CPXM2: variants seen among roughly 807,000 people sequenced by gnomAD.
The protein encoded by CPXM2 is carboxypeptidase X, M14 family member 2.
Under a neutral mutation model 86.1 loss-of-function variants are expected in CPXM2, and 66 were observed. The observed-to-expected ratio is 0.77, with a 90% confidence interval of 0.63 to 0.94. The LOEUF (loss-of-function observed/expected upper bound fraction) is 0.94. Ranked by LOEUF, CPXM2 falls within the 40% of genes least tolerant of loss-of-function variation. CPXM2 has a pLI of 0.00. For synonymous variants in CPXM2, 388 were observed against 400.2 expected (o/e 0.97, Z 0.36); for missense variants, 948 against 1,026.3 (o/e 0.92, Z 1.04).
At chr10:123,871,459 T>C (rs1944895191) in intron 2 of CPXM2, among the ~76,000 whole-genome samples, 1 of 152,330 alleles carries the variant, frequency 6.6e-6, no homozygotes, top group African/African-American at 2.4e-5. Context: ...GAATTATTGG[T>C]TCAAAAGAAC....
chr10:123,934,796 C>A (rs577353753), intron 2 of CPXM2, among the ~76,000 whole-genome samples: 13 of 152,182 alleles, frequency 8.5e-5, no homozygotes, highest in Non-Finnish European at 1.9e-4. Context: ...CTCCAGCCAT[C>A]TTTCTGCTTT....
intron 12 of CPXM2, 145 bp downstream of exon 12, chr10:123,757,068 C>A: frequency 1.4e-6 from 1 of 718,182 alleles, no homozygotes; most frequent in Non-Finnish European, 2.4e-6. Flanking sequence ...CAAGTGTCAA[C>A]ACACAGTGGC....
intron 2 of CPXM2, 118 bp from the exon 3 acceptor site, chr10:123,862,841 T>C (rs910812640): frequency 1.3e-6 from 1 of 785,110 alleles, no homozygotes; most frequent in Non-Finnish European, 2.2e-6. Flanking sequence ...CCCACAGGCA[T>C]GCCTGGTCTT....
intron 2 of CPXM2, among the ~76,000 whole-genome samples, chr10:123,928,774 C>T (rs1945643909): frequency 6.6e-6 from 1 of 152,252 alleles, no homozygotes; most frequent in African/African-American, 2.4e-5. Flanking sequence ...ATCCCACAGC[C>T]ATTTAGTCCC....
At chr10:123,753,875 C>A (rs1846136249) in intron 13 of CPXM2, among the ~76,000 whole-genome samples, 1 of 152,178 alleles carries the variant, frequency 6.6e-6, no homozygotes. Flanking sequence ...CGCGTACTAA[C>A]CCTGACTAGT....
chr10:123,884,413 C>T (rs925005070), intron 1 of CPXM2, among the ~76,000 whole-genome samples: 1 of 152,220 alleles, frequency 6.6e-6, no homozygotes, highest in African/African-American at 2.4e-5. Flanking sequence ...GAAACGCCTG[C>T]TCTGTGCGAT....
chr10:123,861,848 G>A (rs1044025618), intron 3 of CPXM2, among the ~76,000 whole-genome samples: 2 of 152,196 alleles, frequency 1.3e-5, no homozygotes, highest in Non-Finnish European at 2.9e-5. Flanking sequence ...TGTGGGAAGA[G>A]GCTACGTTTG....
chr10:123,800,974 ACT>A, intron 4 of CPXM2, among the ~76,000 whole-genome samples: 1 of 152,190 alleles, frequency 6.6e-6, no homozygotes, highest in Middle Eastern at 3.4e-3. Flanking sequence ...TCCGCTCTAC[ACT>A]CTGACGTGAC....
intron 4 of CPXM2, among the ~76,000 whole-genome samples, chr10:123,818,194 C>T (rs1168692280): frequency 6.6e-6 from 1 of 152,170 alleles, no homozygotes; most frequent in Non-Finnish European, 1.5e-5. Flanking sequence ...TAGGATGACC[C>T]ATTCTGTGGA....
intron 8 of CPXM2, 126 bp downstream of exon 8, chr10:123,770,790 G>C (rs145466567): frequency 0.023 from 22,747 of 984,176 alleles, 336 homozygotes; most frequent in Non-Finnish European, 0.029. Flanking sequence ...GTCTACGTGA[G>C]ACAGCAGTGG....
Position 123,934,465 on chromosome 10 carries a change from G to A in CPXM2, n.174+5012C>T, listed in dbSNP as rs76889508. Among the ~76,000 whole-genome samples the A allele has an allele frequency of 7.7e-3, 1,167 of 151,972 alleles. 16 individuals are homozygous for A. The highest frequency in any genetic ancestry group is 0.026 in the African/African-American group (1,095 of 41,422). ...CCCTCTCCCTGTGTGTCTGTGTCTC[G>A]GTGTCCAAATTTCCCTCTTTATAGG... On this transcript the variant is annotated intron_variant and non_coding_transcript_variant, in intron 2 of 19. Coordinates refer to the CPXM2 transcript ENST00000368854.
chr10:123,747,098 C>A, intron 13 of CPXM2, 81 bp from the exon 14 acceptor site: 1 of 1,514,884 alleles, frequency 6.6e-7, no homozygotes, highest in Non-Finnish European at 8.9e-7. Flanking sequence ...AGACCAGCTC[C>A]CTGGGCCAGA....
At chr10:123,891,818 C>CG, upstream of CPXM2, 1 of 268,320 alleles carries the variant, frequency 3.7e-6, no homozygotes, top group East Asian at 1.4e-4. The surrounding 1 kb of genome is among the most constrained non-coding windows in gnomAD (Gnocchi z 5.6). Flanking sequence ...GACCGGCCCG[C>CG]GGGGCTGGGC....
At chr10:123,936,540 G>A (rs74162980) in intron 2 of CPXM2, among the ~76,000 whole-genome samples, 3 of 152,266 alleles carry the variant, frequency 2.0e-5, no homozygotes, top group African/African-American at 7.2e-5. Context: ...GCTACTTTGA[G>A]GCCCATCTCA....
chr10:123,905,222 C>T (rs143236740), intron 2 of CPXM2, among the ~76,000 whole-genome samples: 33 of 152,320 alleles, frequency 2.2e-4, no homozygotes, highest in African/African-American at 5.5e-4. Flanking sequence ...GAATGAACCC[C>T]GCCACACAGC....
At chr10:123,766,323 G>T (rs1281023879) in intron 10 of CPXM2, among the ~76,000 whole-genome samples, 2 of 152,154 alleles carry the variant, frequency 1.3e-5, no homozygotes, top group Non-Finnish European at 2.9e-5. Flanking sequence ...CTTTTACCTT[G>T]TTAAGGCACT....
chr10:123,797,983 T>C lies in CPXM2; in HGVS notation c.882A>G (p.Pro294=), dbSNP rs759448158. 4 of 1,599,678 alleles carry C rather than the reference T, an allele frequency of 2.5e-6. No homozygotes were observed. Among genetic ancestry groups the C allele is most frequent in the East Asian group, 2.3e-5 (1 of 44,184 alleles). Residue 294 remains proline, a synonymous_variant, in exon 6 of 14, where the codon CCA becomes CCG. Coordinates refer to ENST00000241305, the MANE Select transcript of CPXM2 (RefSeq NM_198148.3). ...ACAGGAGGGTGAACTCACCTGGCAG[T>C]GGGCAGCCCAGGATCTCCATTCTCA... The part of the protein sequence containing the change: ...ICMRMEILGC[P]LPDPNNYYHR...
intron 3 of CPXM2, among the ~76,000 whole-genome samples, chr10:123,851,330 C>A (rs1419143333): frequency 6.6e-6 from 1 of 152,196 alleles, no homozygotes; most frequent in African/African-American, 2.4e-5. Flanking sequence ...CCCAAGTACT[C>A]ACTCCATCCT....
chr10:123,792,873 C>A (rs994653673), intron 6 of CPXM2, among the ~76,000 whole-genome samples: 9 of 152,126 alleles, frequency 5.9e-5, no homozygotes, highest in African/African-American at 2.2e-4. Context: ...CCAGAGCCAC[C>A]GGCAGGAAAG....
Sources: gnomAD v4.1 joint callset for allele counts (sites outside exome capture counted in the v4.1 genomes callset) on GRCh38, gnomAD v4.1.1 for gene constraint, Gnocchi (gnomAD v3.1) non-coding constraint, MANE v1.5 for transcripts, NCBI Gene and HGNC (gene_info 2026-07-23, HGNC 2026-07-21) for gene names.